Variants in EPHA3 observed in about 807,000 individuals in gnomAD.
The protein encoded by EPHA3 is ephrin type-A receptor 3.
Under a neutral mutation model 107.1 loss-of-function variants are expected in EPHA3, and 42 were observed. The ratio of observed to expected loss-of-function variants is 0.39; its 90% CI spans 0.31 to 0.51. EPHA3 has a LOEUF of 0.51. Among genes scored for constraint, EPHA3 ranks in the 20% least tolerant of loss-of-function variants. The pLI is 0.78. For missense variants in EPHA3, 1,183 were observed against 1,211.2 expected (o/e 0.98, Z 0.35); for synonymous variants, 461 against 424.8 (o/e 1.09, Z -1.05).
intron 5 of EPHA3, among the ~76,000 whole-genome samples, chr3:89,380,166 A>T (rs1314906541): frequency 6.6e-6 from 1 of 152,194 alleles, no homozygotes; most frequent in Non-Finnish European, 1.5e-5. Flanking sequence ...TTGAAGAGAG[A>T]TAATTCCTTT....
At chr3:89,467,404 G>T (rs1385420666) in intron 15 of EPHA3, among the ~76,000 whole-genome samples, 1 of 152,030 alleles carries the variant, frequency 6.6e-6, no homozygotes, top group Non-Finnish European at 1.5e-5. Flanking sequence ...TTACCTCCTT[G>T]TAGACATAAT....
intron 3 of EPHA3, among the ~76,000 whole-genome samples, chr3:89,302,903 AT>A (rs1258173371): frequency 6.6e-6 from 1 of 151,708 alleles, no homozygotes; most frequent in East Asian, 1.9e-4. Flanking sequence ...ATTTTATTTA[AT>A]TTTTTTGAGA....
intron 9 of EPHA3, among the ~76,000 whole-genome samples, chr3:89,408,720 C>T (rs1709101899): frequency 6.6e-6 from 1 of 151,960 alleles, no homozygotes; most frequent in African/African-American, 2.4e-5. Flanking sequence ...AACAAAAAGA[C>T]TTTTTTTCTT....
At chr3:89,401,013 TC>T (rs1708951573) in intron 7 of EPHA3, among the ~76,000 whole-genome samples, 1 of 152,164 alleles carries the variant, frequency 6.6e-6, no homozygotes, top group Non-Finnish European at 1.5e-5. Context: ...CACCTGTACT[TC>T]CCATTTTCTA....
chr3:89,408,300 C>A (rs557511814), intron 9 of EPHA3, among the ~76,000 whole-genome samples, 169 bp downstream of exon 9: 15 of 152,204 alleles, frequency 9.9e-5, no homozygotes, highest in African/African-American at 3.6e-4. Context: ...CATGGTTCTG[C>A]ATTAAATAAT....
chr3:89,270,790 C>T (rs1408021019), intron 3 of EPHA3, among the ~76,000 whole-genome samples: 1 of 151,990 alleles, frequency 6.6e-6, no homozygotes, highest in Non-Finnish European at 1.5e-5. Context: ...GCAAACAAAA[C>T]ACACTGGGCT....
chr3:89,414,569 T>C (rs138916937), intron 10 of EPHA3, among the ~76,000 whole-genome samples: 156 of 151,712 alleles, frequency 1.0e-3, no homozygotes, highest in Non-Finnish European at 1.9e-3. Flanking sequence ...AGAGTGCACT[T>C]TTCTCCAGCA....
At chr3:89,479,289 A>T in intron 16 of EPHA3, 108 bp from the exon 17 acceptor site, 1 of 808,294 alleles carries the variant, frequency 1.2e-6, no homozygotes, top group Non-Finnish European at 2.1e-6. Flanking sequence ...TCAGACAATT[A>T]GGTCCACAGT....
At chr3:89,369,313 T>C (rs1055539651) in intron 5 of EPHA3, among the ~76,000 whole-genome samples, 3 of 150,540 alleles carry the variant, frequency 2.0e-5, no homozygotes, top group African/African-American at 7.3e-5. Context: ...TATAGATCAA[T>C]GGAACAGAAC....
intron 5 of EPHA3, among the ~76,000 whole-genome samples, chr3:89,344,586 C>T (rs1707600092): frequency 6.6e-6 from 1 of 152,028 alleles, no homozygotes; most frequent in Non-Finnish European, 1.5e-5. Flanking sequence ...CTTTGTTTTC[C>T]TTTATTTTTG....
chr3:89,237,979 A>AG (rs1430825418), intron 3 of EPHA3, among the ~76,000 whole-genome samples: 2 of 150,824 alleles, frequency 1.3e-5, no homozygotes, highest in Non-Finnish European at 3.0e-5. Flanking sequence ...ACCATGTCTC[A>AG]GGAAAAAAAA....
chr3:89,412,452 T>C (rs1037648037), intron 9 of EPHA3, among the ~76,000 whole-genome samples: 2 of 151,614 alleles, frequency 1.3e-5, no homozygotes, highest in Admixed American at 6.6e-5. Context: ...CTAATTATGT[T>C]ATAAAGCTAT....
intron 6 of EPHA3, among the ~76,000 whole-genome samples, chr3:89,396,601 G>A (rs1708855870): frequency 6.6e-6 from 1 of 152,036 alleles, no homozygotes; most frequent in African/African-American, 2.4e-5. Context: ...GAGTGGAGTG[G>A]CGAGTATTCC....
chr3:89,348,027 T>C (rs1707714938), intron 5 of EPHA3, among the ~76,000 whole-genome samples: 1 of 150,598 alleles, frequency 6.6e-6, no homozygotes, highest in East Asian at 1.9e-4. Flanking sequence ...CAGTATTTTA[T>C]TGAGGATTTT....
At chr3:89,263,282 C>T (rs564320195) in intron 3 of EPHA3, among the ~76,000 whole-genome samples, 10 of 152,146 alleles carry the variant, frequency 6.6e-5, no homozygotes, top group Admixed American at 1.3e-4. Flanking sequence ...TTGCTCTTTT[C>T]GCTCTGCTGT....
chr3:89,182,491 A>G (rs1705463114), intron 2 of EPHA3, among the ~76,000 whole-genome samples: 1 of 151,994 alleles, frequency 6.6e-6, no homozygotes, highest in Non-Finnish European at 1.5e-5. Flanking sequence ...TTTTCCGTAT[A>G]GTACACATAG....
intron 6 of EPHA3, among the ~76,000 whole-genome samples, chr3:89,398,010 G>A (rs1209995110): frequency 1.3e-5 from 2 of 152,014 alleles, no homozygotes; most frequent in Non-Finnish European, 2.9e-5. Flanking sequence ...ATACATATTT[G>A]CATCACATAT....
intron 2 of EPHA3, among the ~76,000 whole-genome samples, chr3:89,172,863 C>T (rs1216905643): frequency 6.6e-6 from 1 of 152,082 alleles, no homozygotes; most frequent in Admixed American, 6.6e-5. Flanking sequence ...AAGGAAAATA[C>T]TATAAAACAA....
chr3:89,459,260 T>A (rs1710164981), intron 15 of EPHA3, among the ~76,000 whole-genome samples: 1 of 152,254 alleles, frequency 6.6e-6, no homozygotes, highest in South Asian at 2.1e-4. Flanking sequence ...GAATAATATA[T>A]ATTACATTGT....
Sources: allele counts gnomAD v4.1 joint callset (sites outside exome capture counted in the v4.1 genomes callset), GRCh38; gene constraint gnomAD v4.1.1; transcripts MANE v1.5; gene names NCBI Gene and HGNC (gene_info 2026-07-23, HGNC 2026-07-21).